The following PNKD variants were observed in gnomAD, a reference collection of about 807,000 sequenced individuals.
PNKD encodes the protein PNKD metallo-beta-lactamase domain containing, also known as probable thioesterase PNKD.
In PNKD, 36 loss-of-function variants were observed where a neutral mutation model predicts 45.3. The ratio of observed to expected loss-of-function variants is 0.80; its 90% CI spans 0.61 to 1.05. The LOEUF is 1.05. Ranked by LOEUF, PNKD falls within the 50% of genes least tolerant of loss-of-function variation. The probability of loss-of-function intolerance (pLI) is 0.00; values close to 1 mark genes in which losing one functional copy is unlikely to be tolerated. For synonymous variants in PNKD, 197 were observed against 210.1 expected, an observed-to-expected ratio of 0.94 and a Z score of 0.54; for missense variants, 511 against 506.6, an observed-to-expected ratio of 1.01 and a Z score of -0.08.
At chr2:218,287,817 G>T (rs764014395) in intron 2 of PNKD, among the ~76,000 whole-genome samples, 1 of 152,176 alleles carries the variant, frequency 6.6e-6, no homozygotes, top group Non-Finnish European at 1.5e-5. Flanking sequence ...TGGAGACCGA[G>T]GGGTGGCTCC....
chr2:218,327,678 C>G (rs997702839), intron 2 of PNKD: 2 of 152,788 alleles, frequency 1.3e-5, no homozygotes, highest in Non-Finnish European at 1.5e-5. Context: ...TCCCACACCC[C>G]CTACAGACCT....
rs750121779 is a variant in PNKD, at chr2:218,341,565, C to T, written c.556C>T (p.Arg186Trp). The T allele has an allele frequency of 8.1e-6, 13 of 1,602,544 alleles. No individual in the cohort carries two copies. The highest frequency in any genetic ancestry group is 4.5e-5 in the South Asian group (4 of 88,752). The stretch of plus-strand genomic sequence containing the variant: ...CAGTGGAGGGAACCGTGACCTCAGC[C>T]GGCGGCACCGGGACTGTCGGGTGTA... ...DHSGGNRDLSRRHRDCRVYGS... is the reference protein window; with the variant it reads ...DHSGGNRDLSWRHRDCRVYGS... Residue 186 changes from arginine (R) to tryptophan (W), a missense_variant, in exon 6 of 10, where the codon CGG becomes TGG. Arg to Trp is a moderately radical substitution (Grantham distance 101). Coordinates refer to ENST00000273077, the MANE Select transcript of PNKD (RefSeq NM_015488.5).
At position 218,316,059 on chromosome 2, in the gene PNKD, G is replaced by A. The variant is rs115439662; in HGVS notation, c.237-23724G>A. Among the ~76,000 whole-genome samples the A allele has an allele frequency of 4.0e-3, 608 of 152,244 alleles. 5 individuals carry two copies. Among genetic ancestry groups the A allele is most frequent in the African/African-American group, 0.012 (485 of 41,548 alleles). ...CCCTTAGACCAGCAACATCAGTGGC[G>A]TGGGAAAATATACCTCGCCTCCATT... On this transcript the variant is annotated intron_variant, in intron 2 of 9. Coordinates refer to ENST00000273077, the MANE Select transcript of PNKD (RefSeq NM_015488.5).
At chr2:218,276,941 G>C in intron 2 of PNKD, 3 of 1,401,758 alleles carry the variant, frequency 2.1e-6, no homozygotes, top group Non-Finnish European at 3.0e-6. Flanking sequence ...GCGAGACCAT[G>C]CTATATAGGA....
At chr2:218,315,254 G>C (rs906756783) in intron 2 of PNKD, among the ~76,000 whole-genome samples, 1 of 151,082 alleles carries the variant, frequency 6.6e-6, no homozygotes, top group East Asian at 1.9e-4. Flanking sequence ...CTATTCTCCT[G>C]CCCCAGCCTC....
chr2:218,280,432 G>T, intron 2 of PNKD: 1 of 341,728 alleles, frequency 2.9e-6, no homozygotes, highest in Non-Finnish European at 5.6e-6. Flanking sequence ...GGCAGGAGCA[G>T]GTATGGGCAT....
intron 2 of PNKD, among the ~76,000 whole-genome samples, chr2:218,336,689 C>T (rs891042135): frequency 6.6e-6 from 1 of 152,006 alleles, no homozygotes; most frequent in Admixed American, 6.6e-5. Context: ...CCATGTTGCC[C>T]AGTCTGGTCT....
In PNKD at chr2:218,322,782, C is replaced by A. The variant is rs1694022793; in HGVS notation, c.237-17001C>A. The stretch of plus-strand genomic sequence containing the variant: ...GAATGCAGACAGTGTGCCTTTGACC[C>A]TTGCATCCTCCTCAGAGCCTGGCAG... On this transcript the variant is annotated intron_variant, in intron 2 of 9. Coordinates refer to ENST00000273077, the MANE Select transcript of PNKD (RefSeq NM_015488.5). 2.6e-5 allele frequency among the ~76,000 whole-genome samples: 4 copies of A among 152,386 alleles called. No homozygotes were observed. In the South Asian group the frequency reaches 8.3e-4, roughly 32 times the overall value.
intron 2 of PNKD, among the ~76,000 whole-genome samples, chr2:218,328,457 G>T (rs971875459): frequency 8.5e-5 from 13 of 152,274 alleles, no homozygotes; most frequent in African/African-American, 3.1e-4. Context: ...ACTAAATGTT[G>T]ATTGTTTTTC....
intron 2 of PNKD, among the ~76,000 whole-genome samples, chr2:218,315,024 CTTTCTTTCTTTCTT>C (rs1197362390): frequency 0.034 from 40 of 1,184 alleles, 1 homozygote; most frequent in Middle Eastern, 0.5. Context: ...TTCTTTCTTT[CTTTCTTTCTTTCTT>C]TTTCTTTCTT....
Position 218,345,043 on chromosome 2 carries a change from T to G in PNKD, c.*62T>G. 1 of 1,286,800 alleles carries G rather than the reference T, an allele frequency of 7.8e-7. No homozygotes were observed. Among genetic ancestry groups the G allele is most frequent in the Non-Finnish European group, 1.1e-6 (1 of 912,970 alleles). The allele number at this position is 1,286,800 out of a possible 1,614,324, so 79.7% of individuals were successfully genotyped here. A position where few individuals can be genotyped will look rare whatever the true frequency, so the allele number is the denominator to read the frequency against. ...TGGGGAGGCCGCCACCACCAACACC[T>G]CATCATCCTTCTCATCGCTAACACC... is the stretch of plus-strand genomic sequence containing the variant. On this transcript the variant is annotated 3_prime_UTR_variant, in exon 10 of 10. Coordinates refer to ENST00000273077, the MANE Select transcript of PNKD (RefSeq NM_015488.5).
intron 2 of PNKD, among the ~76,000 whole-genome samples, chr2:218,321,744 T>C: frequency 6.7e-6 from 1 of 148,696 alleles, no homozygotes; most frequent in African/African-American, 2.5e-5. Context: ...TTCTCTTGCC[T>C]CAGGCTCCCG....
intron 2 of PNKD, among the ~76,000 whole-genome samples, chr2:218,311,860 C>T (rs904753567): frequency 3.3e-5 from 5 of 152,218 alleles, no homozygotes; most frequent in Non-Finnish European, 7.3e-5. Flanking sequence ...GGCCATATCT[C>T]AGGCTGTCTC....
intron 5 of PNKD, chr2:218,341,026 G>A: frequency 1.7e-6 from 1 of 589,638 alleles, no homozygotes; most frequent in Non-Finnish European, 3.0e-6. Context: ...TCATTTCATG[G>A]GCATGTATTA....
chr2:218,273,445 T>TG lies in PNKD; in HGVS notation c.236+1897dup, dbSNP rs1204673140. ...TGCCACCATGCCCAGTTACTTTTTG[T>TG]GTTTTTTTTTTTTTTTTGGATTTTT... On this transcript the variant is annotated intron_variant, in intron 2 of 9. Transcript: ENST00000273077. Among the ~76,000 whole-genome samples, 520 of 100,256 alleles carry TG rather than the reference T, an allele frequency of 5.2e-3. 6 individuals carry two copies. Among genetic ancestry groups the TG allele is most frequent in the Middle Eastern group, 0.032 (6 of 190 alleles). 65.8% of individuals were successfully genotyped at this position (100,256 alleles called of 152,430 possible).
chr2:218,320,726 C>A (rs116645260), intron 2 of PNKD, among the ~76,000 whole-genome samples: 1 of 152,286 alleles, frequency 6.6e-6, no homozygotes, highest in African/African-American at 2.4e-5. Context: ...TGGCACTCCA[C>A]GCAGAAGGCA....
intron 2 of PNKD, among the ~76,000 whole-genome samples, chr2:218,297,783 A>G (rs1693180686): frequency 6.6e-6 from 1 of 151,724 alleles, no homozygotes; most frequent in South Asian, 2.1e-4. Context: ...GCAGATCACA[A>G]GGTCAGGAGA....
chr2:218,315,404 G>A (rs1270608522), intron 2 of PNKD, among the ~76,000 whole-genome samples: 3 of 152,032 alleles, frequency 2.0e-5, no homozygotes, highest in Non-Finnish European at 2.9e-5. Flanking sequence ...GCCTCCACCC[G>A]CCTCGGCCTC....
intron 2 of PNKD, among the ~76,000 whole-genome samples, chr2:218,281,578 G>A (rs764136806): frequency 1.9e-4 from 29 of 152,238 alleles, no homozygotes; most frequent in Non-Finnish European, 3.4e-4. Flanking sequence ...TCCTAAGGAA[G>A]TCGACAGGTC....
Sources: allele counts gnomAD v4.1 joint callset (sites outside exome capture counted in the v4.1 genomes callset), GRCh38; gene constraint gnomAD v4.1.1; transcripts MANE v1.5; gene names NCBI Gene and HGNC (gene_info 2026-07-23, HGNC 2026-07-21).